Variants in JARID2 observed in about 807,000 individuals in gnomAD.
JARID2 encodes protein Jumonji.
A neutral mutation model predicts 125.6 loss-of-function variants in JARID2; 21 were observed. The observed-to-expected ratio is 0.17, with a 90% CI of 0.12 to 0.24. The LOEUF is 0.24. Among genes scored for constraint, JARID2 ranks in the 10% least tolerant of loss-of-function variants. The pLI is 1.00. For synonymous variants in JARID2, 736 were observed against 661.6 expected, an observed-to-expected ratio of 1.11 and a Z score of -1.73; for missense variants, 1,303 against 1,639.6, an observed-to-expected ratio of 0.79 and a Z score of 3.55.
intron 6 of JARID2, among the ~76,000 whole-genome samples, chr6:15,490,744 C>T (rs576134591): frequency 1.6e-4 from 25 of 152,330 alleles, no homozygotes; most frequent in African/African-American, 5.3e-4. Context: ...CATGCAGTGA[C>T]AGAAAGTAAC....
Position 15,422,555 on chromosome 6 carries a change from C to T in JARID2, c.323+12190C>T, listed in dbSNP as rs145004486. Reference sequence around the variant, plus strand: ...GCTGCACATGCTGCTCATCGACATTCGTGGTCAGGTTCTTTCCCTGCAGCA... The same window carrying T: ...GCTGCACATGCTGCTCATCGACATTTGTGGTCAGGTTCTTTCCCTGCAGCA... On this transcript the variant is annotated intron_variant, in intron 3 of 17. Coordinates refer to ENST00000341776, the MANE Select transcript of JARID2 (RefSeq NM_004973.4). Among the ~76,000 whole-genome samples, 13 of 152,276 alleles carry T rather than the reference C, an allele frequency of 8.5e-5. No homozygotes were observed. In the East Asian group the frequency reaches 2.5e-3, roughly 29 times the overall value.
chr6:15,487,665 G>A (rs1246469682), intron 6 of JARID2, 123 bp downstream of exon 6: 3 of 849,450 alleles, frequency 3.5e-6, no homozygotes, highest in Non-Finnish European at 5.4e-6. Context: ...AAGCAAGACA[G>A]GGACAGACAG....
At chr6:15,393,184 G>A (rs1385133378) in intron 2 of JARID2, among the ~76,000 whole-genome samples, 1 of 144,616 alleles carries the variant, frequency 6.9e-6, no homozygotes, top group Non-Finnish European at 1.5e-5. Flanking sequence ...GGTGTGTTAT[G>A]TAGACAATTC....
chr6:15,293,648 T>A (rs1761306171), intron 1 of JARID2, among the ~76,000 whole-genome samples: 1 of 152,244 alleles, frequency 6.6e-6, no homozygotes, highest in South Asian at 2.1e-4. Flanking sequence ...AGACTTGACC[T>A]CTCTTGACCT....
chr6:15,480,811 A>G (rs1337218309), intron 5 of JARID2, among the ~76,000 whole-genome samples: 1 of 152,238 alleles, frequency 6.6e-6, no homozygotes, highest in African/African-American at 2.4e-5. Context: ...GAGCAGAACT[A>G]GACATCAAAA....
At position 15,521,457 on chromosome 6, in the gene JARID2, C is replaced by T. The variant is rs1201937499; in HGVS notation, c.*1206C>T. ...GTGAGAAGACAAGATGAAGAAAAGC[C>T]TTACATTTCAGTTTCTTCATCGGTT... On this transcript the variant is annotated 3_prime_UTR_variant, in exon 18 of 18. Coordinates refer to ENST00000341776, the MANE Select transcript of JARID2 (RefSeq NM_004973.4). 1.3e-5 allele frequency: 2 copies of T among 151,860 alleles called. No homozygotes were observed. Among genetic ancestry groups the T allele is most frequent in the Non-Finnish European group, 2.9e-5 (2 of 67,988 alleles). 9.4% of individuals were successfully genotyped at this position (151,860 alleles called of 1,614,324 possible). A position where few individuals can be genotyped will look rare whatever the true frequency, so the allele number is the denominator to read the frequency against.
chr6:15,514,767 T>C (rs901016889), intron 16 of JARID2, among the ~76,000 whole-genome samples: 2 of 152,194 alleles, frequency 1.3e-5, no homozygotes, highest in African/African-American at 4.8e-5. Context: ...TGAGCTGATT[T>C]ACCTCTTTAG....
At chr6:15,301,434 T>A (rs1761620591) in intron 1 of JARID2, among the ~76,000 whole-genome samples, 1 of 152,168 alleles carries the variant, frequency 6.6e-6, no homozygotes, top group Non-Finnish European at 1.5e-5. Context: ...CCTTTATTTT[T>A]TTTCTAGCCC....
At chr6:15,383,656 G>A (rs555382192) in intron 2 of JARID2, among the ~76,000 whole-genome samples, 15 of 151,906 alleles carry the variant, frequency 9.9e-5, no homozygotes, top group Middle Eastern at 6.8e-3. Context: ...AACCCCTCAC[G>A]TTGGGCCACT....
intron 3 of JARID2, among the ~76,000 whole-genome samples, chr6:15,440,695 T>C (rs2127617288): frequency 6.6e-6 from 1 of 152,370 alleles, no homozygotes; most frequent in Non-Finnish European, 1.5e-5. Context: ...GTGACATAGA[T>C]GCTCAGACAC....
intron 1 of JARID2, among the ~76,000 whole-genome samples, chr6:15,283,356 T>G (rs1209374535): frequency 6.7e-6 from 1 of 150,228 alleles, no homozygotes; most frequent in Non-Finnish European, 1.5e-5. Context: ...TTTTTTTTTT[T>G]TTGAGATGGA....
At chr6:15,451,607 A>C (rs993953398) in intron 3 of JARID2, among the ~76,000 whole-genome samples, 1 of 152,218 alleles carries the variant, frequency 6.6e-6, no homozygotes. Flanking sequence ...TATAGGATGT[A>C]TATAAATACA....
intron 3 of JARID2, among the ~76,000 whole-genome samples, chr6:15,438,848 A>G (rs1767326002): frequency 6.6e-6 from 1 of 152,188 alleles, no homozygotes; most frequent in Non-Finnish European, 1.5e-5. Context: ...CCTGGGTAAC[A>G]TGGTGAAACC....
intron 2 of JARID2, 23 bp from the exon 3 acceptor site, chr6:15,410,197 GTGTT>G (rs1765819425): frequency 6.2e-7 from 1 of 1,608,570 alleles, no homozygotes; most frequent in Non-Finnish European, 8.5e-7. Flanking sequence ...ATGTATTTAA[GTGTT>G]TGTCCCCTTT....
At chr6:15,393,958 A>G (rs1765121221) in intron 2 of JARID2, among the ~76,000 whole-genome samples, 1 of 152,168 alleles carries the variant, frequency 6.6e-6, no homozygotes, top group South Asian at 2.1e-4. Context: ...CCAAGTATCT[A>G]GAAAACATCG....
chr6:15,464,533 A>G (rs2127667596), intron 4 of JARID2, among the ~76,000 whole-genome samples: 1 of 152,312 alleles, frequency 6.6e-6, no homozygotes, highest in African/African-American at 2.4e-5. Context: ...GAGGACAGTC[A>G]GGCCATATCC....
intron 1 of JARID2, among the ~76,000 whole-genome samples, chr6:15,373,070 C>T (rs1393279843): frequency 6.6e-6 from 1 of 152,150 alleles, no homozygotes; most frequent in Non-Finnish European, 1.5e-5. Flanking sequence ...GGTGTGTGAA[C>T]ATAAGTCCTT....
In JARID2 at chr6:15,452,242, A is replaced by G. The variant is rs1033705286; in HGVS notation, c.493+67A>G. 44 of 1,574,998 alleles carry G rather than the reference A, an allele frequency of 2.8e-5. No individual in the cohort carries two copies. In the East Asian group the frequency reaches 9.4e-4, roughly 34 times the overall value. The stretch of plus-strand genomic sequence containing the variant: ...ACATGTAAGCCTGAGGTCTACGTGG[A>G]GTAACCTTAGCTTTACTCTCTGCCA... On this transcript the variant is annotated intron_variant, in intron 4 of 17. Transcript: ENST00000341776.
At chr6:15,249,501 C>G (rs1055151460) in intron 1 of JARID2, among the ~76,000 whole-genome samples, 2 of 152,210 alleles carry the variant, frequency 1.3e-5, no homozygotes, top group African/African-American at 4.8e-5. Flanking sequence ...AAACCAGAGG[C>G]TGGCGTTCTG....
Sources: allele counts gnomAD v4.1 joint callset (sites outside exome capture counted in the v4.1 genomes callset), GRCh38; gene constraint gnomAD v4.1.1; transcripts MANE v1.5; gene names NCBI Gene and HGNC (gene_info 2026-07-23, HGNC 2026-07-21).